Variants in LRRC27 observed in about 807,000 individuals in gnomAD.
The protein encoded by LRRC27 is leucine-rich repeat-containing protein 27.
Under a neutral mutation model 55.0 loss-of-function variants are expected in LRRC27, and 57 were observed. The ratio of observed to expected loss-of-function variants is 1.04; its 90% CI spans 0.84 to 1.29. The LOEUF is 1.29. LRRC27 is among the 50% of genes most tolerant of loss of function. LRRC27 has a pLI of 0.00. For synonymous variants in LRRC27, 278 were observed against 251.9 expected, an observed-to-expected ratio of 1.10 and a Z score of -0.98; for missense variants, 721 against 651.5, an observed-to-expected ratio of 1.11 and a Z score of -1.16.
upstream of LRRC27, among the ~76,000 whole-genome samples, chr10:132,331,174 C>A (rs531967969): frequency 7.7e-6 from 1 of 130,042 alleles, no homozygotes; most frequent in Non-Finnish European, 1.6e-5. Flanking sequence ...GCACTCCAGC[C>A]TGGGAGACAA....
chr10:132,341,725 G>A (rs1012671217), intron 3 of LRRC27, among the ~76,000 whole-genome samples: 19 of 152,182 alleles, frequency 1.2e-4, no homozygotes, highest in African/African-American at 3.6e-4. Context: ...ATTTTTGGCC[G>A]TAGAAAACTT....
At chr10:132,337,138 C>T in intron 2 of LRRC27, 2 of 1,201,988 alleles carry the variant, frequency 1.7e-6, no homozygotes, top group Non-Finnish European at 2.1e-6. Context: ...GGCTGAGTCC[C>T]CCAGACCAGA....
At chr10:132,364,415 G>GCCCACAATTACACCCACCCA (rs1377624577) in intron 9 of LRRC27, among the ~76,000 whole-genome samples, 1 of 7,002 alleles carries the variant, frequency 1.4e-4, no homozygotes, top group African/African-American at 4.4e-4. Flanking sequence ...CTCCACACCC[G>GCCCACAATTACACCCACCCA]CGCTTACACC....
rs1732724173 is a variant in LRRC27, at chr10:132,379,665, T to G, written c.*4423T>G. On this transcript the variant is annotated 3_prime_UTR_variant, in exon 11 of 11. Coordinates refer to ENST00000368614, the MANE Select transcript of LRRC27 (RefSeq NM_030626.3). ...TCTGGTAATTTTTTGTGGATGCCGA[T>G]TCTCTGTTGAAATTCTCCATCTTTT... The G allele has an allele frequency of 6.6e-6, 1 of 152,238 alleles. No homozygotes were observed. The highest frequency in any genetic ancestry group is 1.5e-5 in the Non-Finnish European group (1 of 68,038). 9.4% of individuals were successfully genotyped at this position (152,238 alleles called of 1,614,324 possible).
Position 132,342,275 on chromosome 10 carries a change from A to C in LRRC27, c.400+4A>C, listed in dbSNP as rs1393056517. On this transcript the variant is annotated splice_donor_region_variant and intron_variant, in intron 4 of 10. Coordinates refer to ENST00000368614, the MANE Select transcript of LRRC27 (RefSeq NM_030626.3). ...AAAATGTTACCTGTGGAGCTGGGTAAGTATAAAATAATAAAAAGATGATTT... is the reference window on the plus strand; with the variant it reads ...AAAATGTTACCTGTGGAGCTGGGTACGTATAAAATAATAAAAAGATGATTT... 6.7e-7 allele frequency: 1 copy of C among 1,498,830 alleles called. No individual in the cohort carries two copies. Among genetic ancestry groups the C allele is most frequent in the Admixed American group, 2.2e-5 (1 of 45,542 alleles). 92.8% of individuals were successfully genotyped at this position (1,498,830 alleles called of 1,614,324 possible).
intron 3 of LRRC27, among the ~76,000 whole-genome samples, chr10:132,341,335 T>C (rs2067404900): frequency 6.6e-6 from 1 of 151,734 alleles, no homozygotes. Context: ...TGCAGTGAGC[T>C]GAGATTGTGT....
At chr10:132,338,919 AG>A (rs1022023176) in intron 3 of LRRC27, among the ~76,000 whole-genome samples, 3 of 152,160 alleles carry the variant, frequency 2.0e-5, no homozygotes, top group African/African-American at 7.2e-5. Flanking sequence ...CATGTTGGAC[AG>A]GCTGGTCTCA....
At chr10:132,347,909 G>A (rs186226713) in intron 5 of LRRC27, 75 bp from the exon 6 acceptor site, 29 of 1,508,650 alleles carry the variant, frequency 1.9e-5, no homozygotes, top group Admixed American at 1.6e-4. Flanking sequence ...CATCCAGGCC[G>A]TCACTGGCTT....
At chr10:132,341,326 G>A (rs1564825644) in intron 3 of LRRC27, among the ~76,000 whole-genome samples, 1 of 151,976 alleles carries the variant, frequency 6.6e-6, no homozygotes, top group South Asian at 2.1e-4. Context: ...AGCAGAGGTT[G>A]CAGTGAGCTG....
intron 7 of LRRC27, among the ~76,000 whole-genome samples, chr10:132,354,020 A>C (rs987585091): frequency 6.6e-6 from 1 of 152,186 alleles, no homozygotes; most frequent in African/African-American, 2.4e-5. Flanking sequence ...CTGCCCTGCC[A>C]GGAGGCTGCC....
intron 10 of LRRC27, chr10:132,367,029 C>G: frequency 1.8e-6 from 2 of 1,126,732 alleles, no homozygotes; most frequent in South Asian, 3.5e-5. Flanking sequence ...TGACCTTGTC[C>G]TTGGACACCC....
intron 5 of LRRC27, among the ~76,000 whole-genome samples, chr10:132,346,230 T>C (rs1399921892): frequency 6.6e-6 from 1 of 152,238 alleles, no homozygotes; most frequent in African/African-American, 2.4e-5. Context: ...AGCGGTGTTA[T>C]TGCAACTTTT....
rs573893111 is a variant in LRRC27 at position 132,349,370 on chromosome 10, G to A, written c.926+1014G>A. Among the ~76,000 whole-genome samples, 401 of 152,312 alleles carry A rather than the reference G, an allele frequency of 2.6e-3. 3 individuals carry two copies. The highest frequency in any genetic ancestry group is 4.1e-3 in the Non-Finnish European group (282 of 68,036). ...CCCTGATCTTTCAGCTGTCCTGTAG[G>A]TTTGAACATTCAAAACAGAACAAAA... On this transcript the variant is annotated intron_variant, in intron 6 of 10. Coordinates refer to ENST00000368614, the MANE Select transcript of LRRC27 (RefSeq NM_030626.3).
Position 132,369,094 on chromosome 10 carries a change from C to T in LRRC27, c.1416+3544C>T, listed in dbSNP as rs117880923. 8.3e-4 allele frequency among the ~76,000 whole-genome samples: 126 copies of T among 152,270 alleles called. 2 individuals carry two copies. The East Asian group carries it at 0.02, about 25-fold the overall frequency. On this transcript the variant is annotated intron_variant, in intron 10 of 10. Coordinates refer to ENST00000368614, the MANE Select transcript of LRRC27 (RefSeq NM_030626.3). ...CAGAAATGCAAGTTAAGGAGATTCA[C>T]CATCAAAAAATCCAAAACACTCACC...
Position 132,336,807 on chromosome 10 carries a change from G to A in LRRC27, c.211-758G>A, listed in dbSNP as rs184896729. ...CTACTCCCTCAGGAAATACAGATATGGATATAAATACATATAATAATGTGA... is the reference window on the plus strand; with the variant it reads ...CTACTCCCTCAGGAAATACAGATATAGATATAAATACATATAATAATGTGA... On this transcript the variant is annotated intron_variant, in intron 2 of 10. Transcript: ENST00000368614. 1.3e-4 allele frequency: 99 copies of A among 767,364 alleles called. No individual in the cohort carries two copies. The East Asian group carries it at 1.9e-3, about 15-fold the overall frequency. The allele number at this position is 767,364 out of a possible 1,614,324, so 47.5% of individuals were successfully genotyped here.
intron 2 of LRRC27, chr10:132,337,128 G>A: frequency 8.3e-7 from 1 of 1,209,666 alleles, no homozygotes; most frequent in Non-Finnish European, 1.0e-6. Context: ...GATTGAGTTG[G>A]GCTGAGTCCC....
rs748915568 is a variant in LRRC27 at position 132,333,550 on chromosome 10, T to A, written c.26T>A (p.Val9Asp). 6.2e-7 allele frequency: 1 copy of A among 1,608,300 alleles called. No homozygotes were observed. Among genetic ancestry groups the A allele is most frequent in the Non-Finnish European group, 8.5e-7 (1 of 1,177,432 alleles). The change falls in exon 2 of 11, where the codon GTT (valine) becomes GAT (aspartate). Residue 9 changes from valine to aspartate, a missense_variant. Physicochemically the swap from Val to Asp is radical, Grantham distance 152. Transcript: ENST00000368614. MEGSSSYEVPSVAAADLEE... is the reference protein window; with the variant it reads MEGSSSYEDPSVAAADLEE... ...ATGGAGGGAAGCAGCTCCTACGAAG[T>A]TCCCTCTGTGGCTGCTGCTGATCTG...
chr10:132,373,738 G>A (rs1467852953), intron 10 of LRRC27, among the ~76,000 whole-genome samples: 1 of 152,190 alleles, frequency 6.6e-6, no homozygotes, highest in Non-Finnish European at 1.5e-5. Context: ...TGACCCAGAA[G>A]CCCCCGGCCG....
Position 132,355,886 on chromosome 10 carries a change from G to T in LRRC27, c.1170G>T (p.Met390Ile), listed in dbSNP as rs1341372866. 1 of 1,552,068 alleles carries T rather than the reference G, an allele frequency of 6.4e-7. No homozygotes were observed. The highest frequency in any genetic ancestry group is 1.2e-5 in the South Asian group (1 of 84,104). Residue 390 changes from methionine (M) to isoleucine (I), a missense_variant and splice_region_variant, in exon 8 of 11, where the codon ATG (methionine) becomes ATT (isoleucine). Physicochemically the swap from Met to Ile is conservative, Grantham distance 10. Coordinates refer to ENST00000368614, the MANE Select transcript of LRRC27 (RefSeq NM_030626.3). ...AACTCCTGCCTCCGCGGAGGAGCAT[G>T]GTACGGCACGCGCGGGCGGTGACCG... ...LSKLLPPRRS[M>I]VASKIPSATD...
Sources: gnomAD v4.1 joint callset for allele counts (sites outside exome capture counted in the v4.1 genomes callset) on GRCh38, gnomAD v4.1.1 for gene constraint, MANE v1.5 for transcripts, NCBI Gene and HGNC (gene_info 2026-07-23, HGNC 2026-07-21) for gene names.